TAF13: variants seen among roughly 807,000 people sequenced by gnomAD.
TAF13 encodes TATA-box binding protein associated factor 13.
Under a neutral mutation model 18.7 loss-of-function variants are expected in TAF13, and 9 were observed. The ratio of observed to expected loss-of-function variants is 0.48; its 90% CI spans 0.29 to 0.84. TAF13 has a LOEUF of 0.84. Among genes scored for constraint, TAF13 ranks in the 40% least tolerant of loss-of-function variants. TAF13 has a pLI of 0.08. For missense variants in TAF13, 105 were observed against 146.5 expected (o/e 0.72, Z 1.46); for synonymous variants, 49 against 44.1 (o/e 1.11, Z -0.44).
chr1:109,073,867 G>A (rs562228879), intron 2 of TAF13, among the ~76,000 whole-genome samples: 15 of 151,182 alleles, frequency 9.9e-5, no homozygotes, highest in East Asian at 9.8e-4. Context: ...CGGCCGCCCC[G>A]TCTGGGATGT....
intron 1 of TAF13, 152 bp from the exon 2 acceptor site, chr1:109,075,217 G>A (rs1006866285): frequency 9.2e-6 from 6 of 654,104 alleles, no homozygotes; most frequent in African/African-American, 7.3e-5. Flanking sequence ...CATTGAAGGA[G>A]CCTATGTATC....
chr1:109,069,643 T>TA (rs953317859), intron 2 of TAF13, among the ~76,000 whole-genome samples: 5 of 151,728 alleles, frequency 3.3e-5, no homozygotes, highest in East Asian at 1.9e-4. Context: ...TTTTTTTTTT[T>TA]AAAAAAGATA....
chr1:109,066,412 G>A (rs1254110293), intron 2 of TAF13, among the ~76,000 whole-genome samples, 180 bp from the exon 3 acceptor site: 4 of 152,156 alleles, frequency 2.6e-5, no homozygotes, highest in Non-Finnish European at 5.9e-5. Context: ...ACAGTCTGAT[G>A]ACCAACTGTT....
At position 109,074,994 on chromosome 1, in the gene TAF13, A is replaced by AAG. The variant is rs756788072; in HGVS notation, c.98_99insCT (p.Lys34LeufsTer7). On this transcript the variant is annotated frameshift_variant, in exon 2 of 4. Transcript: ENST00000338366. LOFTEE classifies it high-confidence loss of function. ...TTGTCAAATACTACTTACATTCTTT[A>AAG]GAAAAAAGTCTCTTTCTTTTACCCT... The AAG allele has an allele frequency of 1.3e-6, 2 of 1,595,332 alleles. No individual in the cohort carries two copies. The highest frequency in any genetic ancestry group is 2.7e-5 in the African/African-American group (2 of 73,746).
chr1:109,074,930 G>A (rs1664155226), intron 2 of TAF13, 57 bp downstream of exon 2: 5 of 1,285,438 alleles, frequency 3.9e-6, no homozygotes, highest in Admixed American at 4.4e-5. Context: ...TACTTTGAAA[G>A]GACATGTCCA....
intron 2 of TAF13, among the ~76,000 whole-genome samples, chr1:109,073,894 CG>C (rs1341213141): frequency 6.6e-6 from 1 of 151,686 alleles, no homozygotes; most frequent in Non-Finnish European, 1.5e-5. Context: ...CGCCTCTGCT[CG>C]GCCGCTACTC....
intron 3 of TAF13, 67 bp from the exon 4 acceptor site, chr1:109,064,760 T>C: frequency 1.6e-6 from 2 of 1,283,410 alleles, no homozygotes; most frequent in Non-Finnish European, 2.0e-6. Flanking sequence ...TAATTTGCAT[T>C]TATTAATTGC....
At chr1:109,070,559 A>T (rs1294152868) in intron 2 of TAF13, among the ~76,000 whole-genome samples, 1 of 149,960 alleles carries the variant, frequency 6.7e-6, no homozygotes, top group South Asian at 2.1e-4. Flanking sequence ...ACGCCGAGCT[A>T]ATTTTTGTAT....
At chr1:109,067,119 C>T (rs143674353) in intron 2 of TAF13, among the ~76,000 whole-genome samples, 5 of 152,320 alleles carry the variant, frequency 3.3e-5, no homozygotes, top group Non-Finnish European at 7.4e-5. Context: ...ACAACTGCAG[C>T]AAAGCCCTTT....
At chr1:109,071,954 GAA>G (rs1171636503) in intron 2 of TAF13, among the ~76,000 whole-genome samples, 2 of 40,484 alleles carry the variant, frequency 4.9e-5, no homozygotes, top group South Asian at 1.5e-3. Context: ...GTCTCAAAAA[GAA>G]AATATATATA....
chr1:109,064,478 T>C lies in TAF13; in HGVS notation c.*45A>G. The stretch of plus-strand genomic sequence containing the variant: ...TACTTTAGAAAATATACAATTATTA[T>C]ATATGGTTTCCCCAGATGGTAATTT... On this transcript the variant is annotated 3_prime_UTR_variant, in exon 4 of 4. Coordinates refer to ENST00000338366, the MANE Select transcript of TAF13 (RefSeq NM_005645.4). 7.4e-7 allele frequency: 1 copy of C among 1,344,458 alleles called. No homozygotes were observed. The highest frequency in any genetic ancestry group is 9.7e-7 in the Non-Finnish European group (1 of 1,030,688). 83.3% of individuals were successfully genotyped at this position (1,344,458 alleles called of 1,614,324 possible).
At chr1:109,074,012 C>T (rs1664132926) in intron 2 of TAF13, among the ~76,000 whole-genome samples, 1 of 152,142 alleles carries the variant, frequency 6.6e-6, no homozygotes, top group African/African-American at 2.4e-5. Flanking sequence ...AGCGCCTCCG[C>T]CAGGCCGCCC....
At chr1:109,074,577 T>TCTA (rs1664147660) in intron 2 of TAF13, among the ~76,000 whole-genome samples, 1 of 151,776 alleles carries the variant, frequency 6.6e-6, no homozygotes, top group African/African-American at 2.4e-5. Flanking sequence ...GATCAATAAA[T>TCTA]ACTAAAAAAA....
At chr1:109,074,191 A>T (rs137928600) in intron 2 of TAF13, among the ~76,000 whole-genome samples, 1 of 152,244 alleles carries the variant, frequency 6.6e-6, no homozygotes, top group Admixed American at 6.5e-5. Context: ...GTCTGTGTAG[A>T]AAGAAGTAGA....
At chr1:109,070,066 C>T (rs934722954) in intron 2 of TAF13, among the ~76,000 whole-genome samples, 54 of 152,150 alleles carry the variant, frequency 3.5e-4, no homozygotes, top group African/African-American at 1.2e-3. Flanking sequence ...AACATCGGTA[C>T]AGGTACAGAC....
intron 2 of TAF13, among the ~76,000 whole-genome samples, chr1:109,068,845 T>C (rs1293047216): frequency 1.3e-5 from 2 of 152,178 alleles, no homozygotes; most frequent in Non-Finnish European, 1.5e-5. Context: ...CTACTAAAAA[T>C]ACAAAAATTA....
chr1:109,065,178 T>A (rs574854403), intron 3 of TAF13, among the ~76,000 whole-genome samples: 1 of 152,100 alleles, frequency 6.6e-6, no homozygotes, highest in Non-Finnish European at 1.5e-5. Context: ...GATTAAAAAA[T>A]AGAAGCTAAA....
At chr1:109,072,214 C>G (rs868404211) in intron 2 of TAF13, among the ~76,000 whole-genome samples, 7 of 149,270 alleles carry the variant, frequency 4.7e-5, no homozygotes, top group South Asian at 4.3e-4. Context: ...AAATCATATT[C>G]ATAAATCTGT....
intron 2 of TAF13, 112 bp from the exon 3 acceptor site, chr1:109,066,344 CAT>C (rs1225477390): frequency 5.1e-6 from 4 of 779,122 alleles, no homozygotes; most frequent in African/African-American, 3.6e-5. Flanking sequence ...GGTATGAAAA[CAT>C]ATTTACATCG....
Sources: allele counts gnomAD v4.1 joint callset (sites outside exome capture counted in the v4.1 genomes callset), GRCh38; gene constraint gnomAD v4.1.1; transcripts MANE v1.5; gene names NCBI Gene and HGNC (gene_info 2026-07-23, HGNC 2026-07-21).